The following TTC8 variants were observed in gnomAD, a reference collection of about 807,000 sequenced individuals.
TTC8 encodes the protein tetratricopeptide repeat protein 8.
Under a neutral mutation model 72.5 loss-of-function variants are expected in TTC8, and 47 were observed. The ratio of observed to expected loss-of-function variants is 0.65; its 90% CI spans 0.51 to 0.83. The LOEUF (loss-of-function observed/expected upper bound fraction) is 0.83. Among genes scored for constraint, TTC8 ranks in the 40% least tolerant of loss-of-function variants. TTC8 has a pLI of 0.00. For missense variants in TTC8, 611 were observed against 623.2 expected (o/e 0.98, Z 0.21); for synonymous variants, 199 against 221.4 (o/e 0.90, Z 0.90).
chr14:88,836,238 C>T (rs557917102), intron 2 of TTC8, among the ~76,000 whole-genome samples: 82 of 152,100 alleles, frequency 5.4e-4, no homozygotes, highest in Admixed American at 1.8e-3. Flanking sequence ...CACCTGTAAA[C>T]GCAGCACTTT....
At chr14:88,833,781 G>A in intron 2 of TTC8, 59 bp downstream of exon 2, 1 of 1,516,980 alleles carries the variant, frequency 6.6e-7, no homozygotes. Flanking sequence ...CTATTGCTTA[G>A]TTGTTGCTAT....
chr14:88,841,683 A>G (rs2094782432), intron 6 of TTC8, 169 bp downstream of exon 6: 1 of 660,542 alleles, frequency 1.5e-6, no homozygotes, highest in East Asian at 2.7e-5. Context: ...GAGTTAAGGA[A>G]GGTCAGTCAG....
At chr14:88,830,063 C>T (rs1194573998) in intron 1 of TTC8, among the ~76,000 whole-genome samples, 1 of 152,190 alleles carries the variant, frequency 6.6e-6, no homozygotes, top group Non-Finnish European at 1.5e-5. Flanking sequence ...ATCAATTCCT[C>T]TATTCTCTTA....
rs914344359 is a variant in TTC8, at chr14:88,845,200, A to G, written c.624+1350A>G. On this transcript the variant is annotated intron_variant, in intron 7 of 14. Coordinates refer to ENST00000380656, the MANE Select transcript of TTC8 (RefSeq NM_144596.4). The stretch of plus-strand genomic sequence containing the variant: ...TGGAGTTCCACAGAGACATTTTAAA[A>G]AAGGAAGTGACAGAACTTGATGATA... 3.3e-5 allele frequency among the ~76,000 whole-genome samples: 5 copies of G among 152,328 alleles called. No individual in the cohort carries two copies. In the East Asian group the frequency reaches 7.7e-4, roughly 24 times the overall value.
intron 14 of TTC8, 35 bp from the exon 15 acceptor site, chr14:88,877,259 C>A: frequency 6.6e-7 from 1 of 1,517,650 alleles, no homozygotes; most frequent in South Asian, 1.1e-5. Flanking sequence ...TTTTTCTGAT[C>A]TCATTCCATG....
Position 88,852,986 on chromosome 14 carries a change from G to C in TTC8, c.640G>C (p.Ala214Pro), listed in dbSNP as rs1295139564. ...GTTTTCAAAGGCTTTGGATCTGGCTGCCCTCTCCACAGAACATTCTCAGTA... is the reference window on the plus strand; with the variant it reads ...GTTTTCAAAGGCTTTGGATCTGGCTCCCCTCTCCACAGAACATTCTCAGTA... ...NDVKTALDLAALSTEHSQYKD... is the reference protein window; with the variant it reads ...NDVKTALDLAPLSTEHSQYKD... Residue 214 changes from alanine to proline, a missense_variant, in exon 8 of 15, where the codon GCC becomes CCC. Ala to Pro is a conservative substitution (Grantham distance 27). Transcript: ENST00000380656. 6.2e-7 allele frequency: 1 copy of C among 1,613,356 alleles called. No homozygotes were observed. The highest frequency in any genetic ancestry group is 8.5e-7 in the Non-Finnish European group (1 of 1,179,468).
At chr14:88,864,854 C>T (rs2094903097) in intron 10 of TTC8, among the ~76,000 whole-genome samples, 1 of 152,180 alleles carries the variant, frequency 6.6e-6, no homozygotes, top group African/African-American at 2.4e-5. Flanking sequence ...TCCAGTTAAT[C>T]AGTAAATTGG....
intron 7 of TTC8, among the ~76,000 whole-genome samples, chr14:88,847,102 G>T (rs1002559613): frequency 1.3e-5 from 2 of 152,160 alleles, no homozygotes; most frequent in African/African-American, 4.8e-5. Context: ...GACTTCTTGA[G>T]TCAGAATCCT....
Position 88,833,739 on chromosome 14 carries a change from C to A in TTC8, c.144+17C>A. On this transcript the variant is annotated intron_variant, in intron 2 of 14. Coordinates refer to ENST00000380656, the MANE Select transcript of TTC8 (RefSeq NM_144596.4). ...GTGCATCAGGTAAAGAAAGGTTTAG[C>A]TGCAACCTTTAGTTTAGAGAATTCT... is the stretch of plus-strand genomic sequence containing the variant. 6.2e-7 allele frequency: 1 copy of A among 1,611,544 alleles called. No individual in the cohort carries two copies. Among genetic ancestry groups the A allele is most frequent in the Non-Finnish European group, 8.5e-7 (1 of 1,177,856 alleles).
At chr14:88,825,104 T>C (rs1224154562) in intron 1 of TTC8, among the ~76,000 whole-genome samples, 2 of 152,242 alleles carry the variant, frequency 1.3e-5, no homozygotes, top group South Asian at 2.1e-4. Context: ...CCCTGAACTT[T>C]ACTTGACGAG....
chr14:88,876,874 G>A (rs569488668), intron 14 of TTC8, among the ~76,000 whole-genome samples: 5 of 152,130 alleles, frequency 3.3e-5, no homozygotes, highest in Admixed American at 1.3e-4. Flanking sequence ...TTTTGTTTGT[G>A]GTACCTTACA....
chr14:88,842,549 T>C (rs909819260), intron 6 of TTC8, among the ~76,000 whole-genome samples: 2 of 152,184 alleles, frequency 1.3e-5, no homozygotes, highest in Non-Finnish European at 1.5e-5. Flanking sequence ...GAATATCTGG[T>C]TCCCTACCCT....
Position 88,851,590 on chromosome 14 carries a change from C to G in TTC8, c.625-1381C>G, listed in dbSNP as rs544564666. 3.3e-5 allele frequency among the ~76,000 whole-genome samples: 5 copies of G among 152,092 alleles called. No homozygotes were observed. The East Asian group carries it at 9.6e-4, about 29-fold the overall frequency. Reference sequence around the variant, plus strand: ...ATGTTTAGATATTTACCATGTATGCCTGAATTAAGCTGGCTGAAAATATAT... The same window carrying G: ...ATGTTTAGATATTTACCATGTATGCGTGAATTAAGCTGGCTGAAAATATAT... On this transcript the variant is annotated intron_variant, in intron 7 of 14. Transcript: ENST00000380656.
chr14:88,864,925 T>G (rs1704316740), intron 10 of TTC8, among the ~76,000 whole-genome samples: 1 of 152,230 alleles, frequency 6.6e-6, no homozygotes, highest in South Asian at 2.1e-4. Flanking sequence ...ACATCATGCT[T>G]GGCCCTGGCT....
At chr14:88,846,494 C>CT in intron 7 of TTC8, 1 of 581,282 alleles carries the variant, frequency 1.7e-6, no homozygotes, top group South Asian at 2.2e-5. Flanking sequence ...GCCAGTGTGG[C>CT]TGAGTGAGGC....
In TTC8 at chr14:88,872,416, G is replaced by GGCTGT; in HGVS notation, c.1316_1320dup (p.Glu441CysfsTer22). 6.2e-7 allele frequency: 1 copy of GGCTGT among 1,614,016 alleles called. No homozygotes were observed. The highest frequency in any genetic ancestry group is 1.1e-5 in the South Asian group (1 of 91,078). ...ACCACGCCGAGGCCTACAACAACCTGGCTGTGCTGGAGATGCGGAAGGGCC... is the reference window on the plus strand; with the variant it reads ...ACCACGCCGAGGCCTACAACAACCTGGCTGTGCTGTGCTGGAGATGCGGAAGGGCC... On this transcript the variant is annotated frameshift_variant, in exon 13 of 15. Transcript: ENST00000380656. LOFTEE classifies it high-confidence loss of function.
intron 6 of TTC8, 33 bp from the exon 7 acceptor site, chr14:88,843,773 T>A: frequency 1.3e-6 from 2 of 1,535,070 alleles, no homozygotes; most frequent in Admixed American, 1.8e-5. Flanking sequence ...AAAAAAAAAA[T>A]CTAACGTATT....
downstream of TTC8, chr14:88,880,305 G>T (rs1344473717): frequency 6.6e-6 from 1 of 152,148 alleles, no homozygotes; most frequent in African/African-American, 2.4e-5. Flanking sequence ...TATCCATATA[G>T]ATGGCATTCG....
intron 2 of TTC8, among the ~76,000 whole-genome samples, chr14:88,836,326 GCAAA>G (rs924942163): frequency 2.6e-5 from 4 of 151,748 alleles, no homozygotes; most frequent in African/African-American, 7.3e-5. Context: ...TCCCATCTCT[GCAAA>G]CAAACAAACA....
Sources: allele counts gnomAD v4.1 joint callset (sites outside exome capture counted in the v4.1 genomes callset), GRCh38; gene constraint gnomAD v4.1.1; transcripts MANE v1.5; gene names NCBI Gene and HGNC (gene_info 2026-07-23, HGNC 2026-07-21).